The following DNAH11 variants were observed in gnomAD, a reference collection of about 807,000 sequenced individuals.
DNAH11 encodes axonemal beta dynein heavy chain 11.
A neutral mutation model predicts 526.0 loss-of-function variants in DNAH11; 442 were observed. That is an observed-to-expected ratio of 0.84 (90% CI 0.78 to 0.91). The LOEUF (loss-of-function observed/expected upper bound fraction) is 0.91. Among genes scored for constraint, DNAH11 ranks in the 40% least tolerant of loss-of-function variants. The probability of loss-of-function intolerance (pLI) is 0.00; values close to 1 mark genes in which losing one functional copy is unlikely to be tolerated. For synonymous variants in DNAH11, 2,461 were observed against 1,935.9 expected, an observed-to-expected ratio of 1.27 and a Z score of -7.12; for missense variants, 6,989 against 5,448.7, an observed-to-expected ratio of 1.28 and a Z score of -8.90.
chr7:21,899,503 A>G, intron 80 of DNAH11, 55 bp downstream of exon 80: 1 of 1,390,664 alleles, frequency 7.2e-7, no homozygotes. Context: ...GCCTAACCAG[A>G]AGCCCTGCTT....
At chr7:21,818,110 T>C in intron 64 of DNAH11, 107 bp from the exon 65 acceptor site, 1 of 1,103,240 alleles carries the variant, frequency 9.1e-7, no homozygotes, top group South Asian at 1.6e-5. Flanking sequence ...TCTCTAAGTT[T>C]GTCCCATTTA....
intron 45 of DNAH11, among the ~76,000 whole-genome samples, chr7:21,730,908 C>T (rs1292932180): frequency 1.3e-5 from 2 of 152,120 alleles, no homozygotes; most frequent in South Asian, 2.1e-4. Flanking sequence ...CTTTGGGAGG[C>T]CAAGGCAGGT....
chr7:21,852,405 TAA>T (rs55939718), intron 66 of DNAH11, 60 bp from the exon 67 acceptor site: 14,333 of 1,226,156 alleles, frequency 0.012, no homozygotes, highest in East Asian at 0.029. Context: ...AGACTTCCTC[TAA>T]AAAAAAAAAA....
At chr7:21,817,492 G>A (rs1421274002) in intron 64 of DNAH11, among the ~76,000 whole-genome samples, 1 of 140,314 alleles carries the variant, frequency 7.1e-6, no homozygotes, top group East Asian at 2.0e-4. Flanking sequence ...ACCACCCTGA[G>A]CGACATAGTG....
chr7:21,866,368 GCA>G (rs1783277872), intron 70 of DNAH11, 100 bp from the exon 71 acceptor site: 6 of 1,115,838 alleles, frequency 5.4e-6, no homozygotes, highest in East Asian at 2.5e-5. Context: ...ATACTATCCA[GCA>G]CAGTTTTTTT....
In DNAH11 at chr7:21,750,220, A is replaced by G; in HGVS notation, c.8798-2A>G. 1.3e-6 allele frequency: 2 copies of G among 1,592,018 alleles called. No individual in the cohort carries two copies. Among genetic ancestry groups the G allele is most frequent in the East Asian group, 4.5e-5 (2 of 44,534 alleles). ...AGTAATTCTACTCATTCTTTGGGGC[A>G]GGAGAAATCCCAGATCTGTTCAGCG... On this transcript the variant is annotated splice_acceptor_variant, in intron 53 of 81. Transcript: ENST00000409508. LOFTEE classifies it high-confidence loss of function.
Position 21,617,772 on chromosome 7 carries a change from A to G in DNAH11, c.4249A>G (p.Ile1417Val). ...DRHWHQLMKA[I>V]GVKFLINEAT... ...GCATTGGCACCAGCTGATGAAAGCT[A>G]TTGGGGTCAGTATCCTTGGTCTCAC... The change falls in exon 23 of 82, where the codon ATT becomes GTT. Residue 1417 changes from isoleucine (I) to valine (V), a missense_variant. Transcript: ENST00000409508. The G allele has an allele frequency of 2.5e-6, 4 of 1,597,224 alleles. No individual in the cohort carries two copies. Among genetic ancestry groups the G allele is most frequent in the Middle Eastern group, 1.7e-4 (1 of 5,948 alleles).
At chr7:21,683,345 C>A (rs557658369) in intron 31 of DNAH11, among the ~76,000 whole-genome samples, 1 of 152,264 alleles carries the variant, frequency 6.6e-6, no homozygotes, top group Non-Finnish European at 1.5e-5. Flanking sequence ...AGCAGAAAAT[C>A]TCTGTACTAA....
At chr7:21,704,836 T>C (rs567761454) in intron 38 of DNAH11, among the ~76,000 whole-genome samples, 54 of 152,348 alleles carry the variant, frequency 3.5e-4, no homozygotes, top group Admixed American at 1.4e-3. Context: ...AACATAGATA[T>C]GATTTTCATG....
chr7:21,835,694 C>G (rs1010667879), intron 65 of DNAH11, among the ~76,000 whole-genome samples: 6 of 152,006 alleles, frequency 3.9e-5, no homozygotes, highest in African/African-American at 1.2e-4. Flanking sequence ...CCTGTAAAAT[C>G]TGAAACAAGA....
intron 22 of DNAH11, 149 bp from the exon 23 acceptor site, chr7:21,617,470 T>G: frequency 1.2e-6 from 1 of 860,018 alleles, no homozygotes; most frequent in South Asian, 1.8e-5. Flanking sequence ...CCTTTTCGTT[T>G]CTCTGGTTTT....
At chr7:21,885,168 C>CAG (rs1784080151) in intron 76 of DNAH11, among the ~76,000 whole-genome samples, 1 of 19,768 alleles carries the variant, frequency 5.1e-5, no homozygotes, top group Non-Finnish European at 2.1e-4. Context: ...TCCAAATGAA[C>CAG]TATAAAAAAA....
At chr7:21,861,832 T>A in intron 68 of DNAH11, 21 bp from the exon 69 acceptor site, 1 of 1,610,222 alleles carries the variant, frequency 6.2e-7, no homozygotes, top group Non-Finnish European at 8.5e-7. Flanking sequence ...CACATTTTAA[T>A]GGTCACATTA....
intron 55 of DNAH11, among the ~76,000 whole-genome samples, chr7:21,773,435 T>C (rs557848633): frequency 6.8e-4 from 104 of 152,206 alleles, no homozygotes; most frequent in Non-Finnish European, 1.4e-3. Flanking sequence ...CTCAGGATAT[T>C]GTGTCTGTTT....
At chr7:21,745,596 C>G (rs191478017) in intron 51 of DNAH11, among the ~76,000 whole-genome samples, 2 of 152,208 alleles carry the variant, frequency 1.3e-5, no homozygotes, top group African/African-American at 4.8e-5. Flanking sequence ...TCCTATGGGA[C>G]ATTGTTCTAG....
intron 14 of DNAH11, among the ~76,000 whole-genome samples, chr7:21,593,889 C>T (rs1206954913): frequency 2.0e-5 from 3 of 151,796 alleles, no homozygotes; most frequent in Non-Finnish European, 4.4e-5. Flanking sequence ...CCTGCCCCTG[C>T]TCCCCCCAGA....
At chr7:21,872,138 A>AAAAAACAAAC (rs750641254) in intron 73 of DNAH11, among the ~76,000 whole-genome samples, 6 of 128,914 alleles carry the variant, frequency 4.7e-5, no homozygotes, top group Middle Eastern at 3.5e-3. Context: ...AAAAAAAAAA[A>AAAAAACAAAC]AAAAAAAAAA....
intron 30 of DNAH11, among the ~76,000 whole-genome samples, chr7:21,660,190 G>A (rs149857716): frequency 2.0e-4 from 31 of 151,986 alleles, no homozygotes; most frequent in African/African-American, 6.3e-4. Context: ...ATAATTAAAT[G>A]CAATTCTGCT....
At chr7:21,828,133 G>C (rs568829587) in intron 65 of DNAH11, among the ~76,000 whole-genome samples, 3 of 152,220 alleles carry the variant, frequency 2.0e-5, no homozygotes, top group African/African-American at 7.2e-5. Flanking sequence ...ATTTTTAGTA[G>C]AGATGGGGTT....
Sources: gnomAD v4.1 joint callset for allele counts (sites outside exome capture counted in the v4.1 genomes callset) on GRCh38, gnomAD v4.1.1 for gene constraint, MANE v1.5 for transcripts, NCBI Gene and HGNC (gene_info 2026-07-23, HGNC 2026-07-21) for gene names.